SLC17A4: variants seen among roughly 807,000 people sequenced by gnomAD.
SLC17A4 encodes solute carrier family 17 member 4, also known as probable small intestine urate exporter.
Under a neutral mutation model 52.5 loss-of-function variants are expected in SLC17A4, and 33 were observed. That is an observed-to-expected ratio of 0.63 (90% CI 0.48 to 0.84). The LOEUF is 0.84. Ranked by LOEUF, SLC17A4 falls within the 40% of genes least tolerant of loss-of-function variation. The pLI, the probability that SLC17A4 is intolerant of heterozygous loss-of-function variation, is 0.00. For synonymous variants in SLC17A4, 225 were observed against 216.2 expected (o/e 1.04, Z -0.36); for missense variants, 585 against 597.1 (o/e 0.98, Z 0.21).
At chr6:25,768,342 T>C (rs1762193334) in intron 2 of SLC17A4, 3 of 984,230 alleles carry the variant, frequency 3.0e-6, no homozygotes, top group Non-Finnish European at 2.4e-6. Flanking sequence ...ACAGGGATAG[T>C]GGATGAATTC....
chr6:25,777,053 C>T, intron 10 of SLC17A4, 94 bp downstream of exon 10: 1 of 1,364,976 alleles, frequency 7.3e-7, no homozygotes, highest in South Asian at 1.4e-5. Flanking sequence ...GTGGCAGGTA[C>T]AACAGGTTGC....
At chr6:25,772,141 A>G (rs535413019) in intron 6 of SLC17A4, among the ~76,000 whole-genome samples, 1 of 152,356 alleles carries the variant, frequency 6.6e-6, no homozygotes, top group South Asian at 2.1e-4. Context: ...ATCAACCTTT[A>G]AAGTTTTTAT....
At chr6:25,763,262 T>C (rs922254364) in intron 2 of SLC17A4, among the ~76,000 whole-genome samples, 1 of 152,190 alleles carries the variant, frequency 6.6e-6, no homozygotes, top group East Asian at 1.9e-4. Flanking sequence ...GTAACCCACT[T>C]TACCCTGGCC....
At chr6:25,777,775 A>T (rs549948534) in intron 10 of SLC17A4, 151 bp from the exon 11 acceptor site, 5 of 618,444 alleles carry the variant, frequency 8.1e-6, no homozygotes, top group East Asian at 8.1e-5. Context: ...ACACAATTCC[A>T]GTCATCTCCA....
At chr6:25,774,675 T>C (rs1762752561) in intron 8 of SLC17A4, among the ~76,000 whole-genome samples, 1 of 152,160 alleles carries the variant, frequency 6.6e-6, no homozygotes, top group Non-Finnish European at 1.5e-5. Flanking sequence ...GAATGATTTG[T>C]CTTTGGTGTG....
chr6:25,770,201 C>A lies in SLC17A4; in HGVS notation c.432C>A (p.Gly144=). The A allele has an allele frequency of 1.2e-6, 2 of 1,614,088 alleles. No homozygotes were observed. Among genetic ancestry groups the A allele is most frequent in the Non-Finnish European group, 1.7e-6 (2 of 1,179,996 alleles). Residue 144 remains glycine (G), a synonymous_variant, in exon 4 of 12, where the codon GGC becomes GGA. Transcript: ENST00000377905. The stretch of plus-strand genomic sequence containing the variant: ...GAGCCAAGTATGTGGTTGGTGCTGG[C>A]TTGTTTATTTCCTCATTCCTGACCC... ...IFGAKYVVGA[G]LFISSFLTLF... is the part of the protein sequence containing the mutation.
In SLC17A4 at chr6:25,777,971, A is replaced by T. The variant is rs1033115709; in HGVS notation, c.1314A>T (p.Ile438=). ...GACTATTGCAAGTCTTTGCACACAT[A>T]GCTGGAGCCATCTCTCCTACTGCTG... ...LKGLLQVFAH[I]AGAISPTAAG... The change falls in exon 11 of 12, where the codon ATA becomes ATT. Residue 438 remains isoleucine (I), a synonymous_variant. Coordinates refer to ENST00000377905, the MANE Select transcript of SLC17A4 (RefSeq NM_005495.3). 5.6e-6 allele frequency: 9 copies of T among 1,613,000 alleles called. No homozygotes were observed. Among genetic ancestry groups the T allele is most frequent in the East Asian group, 2.2e-5 (1 of 44,880 alleles).
chr6:25,779,383 G>A lies in SLC17A4; in HGVS notation c.*195G>A, dbSNP rs1184495087. 1 of 619,190 alleles carries A rather than the reference G, an allele frequency of 1.6e-6. No individual in the cohort carries two copies. The highest frequency in any genetic ancestry group is 2.7e-6 in the Non-Finnish European group (1 of 375,786). The allele number at this position is 619,190 out of a possible 1,614,324, so 38.4% of individuals were successfully genotyped here. A position where few individuals can be genotyped will look rare whatever the true frequency, so the allele number is the denominator to read the frequency against. ...GTTATTTAACTGCAAGCTACTAAAA[G>A]CATAGGTGTGTTGAGATTTCTGTGT... is the stretch of plus-strand genomic sequence containing the variant. On this transcript the variant is annotated 3_prime_UTR_variant, in exon 12 of 12. Transcript: ENST00000377905.
intron 1 of SLC17A4, among the ~76,000 whole-genome samples, chr6:25,758,194 C>T (rs1366373890): frequency 6.6e-6 from 1 of 152,188 alleles, no homozygotes; most frequent in African/African-American, 2.4e-5. Context: ...GGACATATGT[C>T]AAGCTCCCTG....
rs202048905 is a variant in SLC17A4, at chr6:25,773,674, T to C, written c.987T>C (p.Asp329=). ...CGGTACTTCAAGCCAACCTCAGAGA[T>C]GTAAGTACAGAGAAAGCTCATTCTG... ...ISSVLQANLR[D]SGILSALPFV... The change falls in exon 8 of 12, where the codon GAT becomes GAC. Residue 329 remains aspartate, a splice_region_variant and synonymous_variant. Transcript: ENST00000377905. 1.3e-4 allele frequency: 217 copies of C among 1,612,824 alleles called. No homozygotes were observed. Among genetic ancestry groups the C allele is most frequent in the Admixed American group, 4.3e-4 (26 of 59,822 alleles).
chr6:25,769,305 C>G (rs1762277276), intron 3 of SLC17A4, 115 bp downstream of exon 3: 1 of 992,210 alleles, frequency 1.0e-6, no homozygotes, highest in African/African-American at 1.6e-5. Flanking sequence ...GTACTATGTG[C>G]CAGGAATGGC....
In SLC17A4 at chr6:25,768,967, A is replaced by T; in HGVS notation, c.92-18A>T. On this transcript the variant is annotated intron_variant, in intron 2 of 11. Transcript: ENST00000377905. ...AAAAGCATTCTGATTGTGATTTTTC[A>T]TGCCCTTTTCCTCTCAGGTTTTTGT... 1 of 1,611,986 alleles carries T rather than the reference A, an allele frequency of 6.2e-7. No individual in the cohort carries two copies. The highest frequency in any genetic ancestry group is 2.2e-5 in the East Asian group (1 of 44,832).
At chr6:25,760,736 C>G (rs902556888) in intron 1 of SLC17A4, among the ~76,000 whole-genome samples, 1 of 152,074 alleles carries the variant, frequency 6.6e-6, no homozygotes, top group African/African-American at 2.4e-5. Context: ...CTTTCATTAG[C>G]TATGTCTAGT....
At chr6:25,770,859 T>C (rs570035617) in intron 5 of SLC17A4, 67 bp from the exon 6 acceptor site, 1 of 1,237,108 alleles carries the variant, frequency 8.1e-7, no homozygotes, top group East Asian at 2.3e-5. Context: ...AACTCAGCAT[T>C]GTAGAAAGCA....
chr6:25,756,364 A>G (rs9358884), intron 1 of SLC17A4, among the ~76,000 whole-genome samples: 41,340 of 151,986 alleles, frequency 0.27, 6,835 homozygotes, highest in East Asian at 0.7. Context: ...CTCAAATATA[A>G]CCATTTCACA....
In SLC17A4 at chr6:25,770,918, C is replaced by G; in HGVS notation, c.620-8C>G. 7 of 1,611,460 alleles carry G rather than the reference C, an allele frequency of 4.3e-6. No individual in the cohort carries two copies. Among genetic ancestry groups the G allele is most frequent in the Non-Finnish European group, 5.9e-6 (7 of 1,177,624 alleles). On this transcript the variant is annotated splice_polypyrimidine_tract_variant and splice_region_variant and intron_variant, in intron 5 of 11. Coordinates refer to ENST00000377905, the MANE Select transcript of SLC17A4 (RefSeq NM_005495.3). The stretch of plus-strand genomic sequence containing the variant: ...CTCACCCAGAACATCCTCGCCTCTT[C>G]TGTTCAGGGTCAATGCTGGGGTCCT...
intron 1 of SLC17A4, among the ~76,000 whole-genome samples, chr6:25,758,243 A>G (rs1296421669): frequency 1.3e-5 from 2 of 152,182 alleles, no homozygotes; most frequent in Admixed American, 1.3e-4. Context: ...ATTTGACTTG[A>G]AGTGACGGGG....
chr6:25,766,135 T>C (rs1761993279), intron 2 of SLC17A4, among the ~76,000 whole-genome samples: 1 of 150,424 alleles, frequency 6.6e-6, no homozygotes, highest in African/African-American at 2.4e-5. Context: ...AAAATATAAT[T>C]GAATTATAAT....
At chr6:25,776,791 G>C in intron 9 of SLC17A4, 21 bp from the exon 10 acceptor site, 1 of 1,613,964 alleles carries the variant, frequency 6.2e-7, no homozygotes, top group Non-Finnish European at 8.5e-7. Context: ...AGTTTACTCT[G>C]TGTTTGTCCT....
Sources: allele counts gnomAD v4.1 joint callset (sites outside exome capture counted in the v4.1 genomes callset), GRCh38; gene constraint gnomAD v4.1.1; transcripts MANE v1.5; gene names NCBI Gene and HGNC (gene_info 2026-07-23, HGNC 2026-07-21).